The following HPSE2 variants were observed in gnomAD, a reference collection of about 807,000 sequenced individuals.
The protein encoded by HPSE2 is inactive heparanase-2.
In HPSE2, 38 loss-of-function variants were observed where a neutral mutation model predicts 60.5. The observed-to-expected ratio is 0.63, with a 90% CI of 0.48 to 0.82. The LOEUF is 0.82. Ranked by LOEUF, HPSE2 falls within the 40% of genes least tolerant of loss-of-function variation. HPSE2 has a pLI of 0.00. For missense variants in HPSE2, 713 were observed against 740.4 expected (o/e 0.96, Z 0.43); for synonymous variants, 295 against 293.2 (o/e 1.01, Z -0.06).
At chr10:98,698,374 C>T (rs1343585893) in intron 5 of HPSE2, among the ~76,000 whole-genome samples, 2 of 151,122 alleles carry the variant, frequency 1.3e-5, no homozygotes, top group African/African-American at 4.9e-5. Context: ...ACTGAACAAC[C>T]TGCTCCTGAA....
At chr10:99,178,073 G>A (rs1476011680) in intron 2 of HPSE2, among the ~76,000 whole-genome samples, 1 of 151,888 alleles carries the variant, frequency 6.6e-6, no homozygotes, top group Non-Finnish European at 1.5e-5. Context: ...TGAAACCAAT[G>A]AGAACAGACA....
chr10:98,879,328 G>A (rs1952957664), intron 3 of HPSE2, among the ~76,000 whole-genome samples: 1 of 151,994 alleles, frequency 6.6e-6, no homozygotes, highest in South Asian at 2.1e-4. Context: ...ATATCTGCAT[G>A]CTGTAAGAGA....
chr10:98,600,911 G>GTATATATGTGTGTGTGTATATATATATA (rs576143051), intron 9 of HPSE2, among the ~76,000 whole-genome samples: 29 of 73,708 alleles, frequency 3.9e-4, no homozygotes, highest in South Asian at 3.0e-3. Context: ...ATGTGTGTGT[G>GTATATATGTGTGTGTGTATATATATATA]TATATATATA....
At chr10:98,932,592 C>A (rs1461279071) in intron 3 of HPSE2, among the ~76,000 whole-genome samples, 1 of 115,446 alleles carries the variant, frequency 8.7e-6, no homozygotes, top group Non-Finnish European at 1.7e-5. Flanking sequence ...GTAACTCCAT[C>A]TGGAGCTGGG....
intron 3 of HPSE2, among the ~76,000 whole-genome samples, chr10:98,972,322 T>G (rs1000657773): frequency 6.6e-6 from 1 of 152,142 alleles, no homozygotes; most frequent in African/African-American, 2.4e-5. Context: ...GCAAAAATAT[T>G]CTTTCCTTAT....
chr10:98,855,652 C>T (rs1952295888), intron 3 of HPSE2, among the ~76,000 whole-genome samples: 1 of 152,064 alleles, frequency 6.6e-6, no homozygotes, highest in Admixed American at 6.6e-5. Flanking sequence ...CCCAGTCAAC[C>T]AGAATGAAAC....
intron 2 of HPSE2, among the ~76,000 whole-genome samples, chr10:99,228,443 T>C (rs1849542110): frequency 6.6e-6 from 1 of 152,190 alleles, no homozygotes; most frequent in South Asian, 2.1e-4. Context: ...GATGCAGTTA[T>C]GGTCTTAAAA....
intron 3 of HPSE2, among the ~76,000 whole-genome samples, chr10:99,114,633 G>A (rs1844599440): frequency 6.6e-6 from 1 of 152,142 alleles, no homozygotes; most frequent in African/African-American, 2.4e-5. Flanking sequence ...AAAGAAGAAT[G>A]GCTGGGTGCG....
intron 5 of HPSE2, among the ~76,000 whole-genome samples, chr10:98,717,352 C>T (rs1404445223): frequency 6.6e-6 from 1 of 152,042 alleles, no homozygotes; most frequent in African/African-American, 2.4e-5. Flanking sequence ...CTTTTAATTT[C>T]CTTCAAGAAC....
At chr10:99,197,095 TTA>T (rs1388310444) in intron 2 of HPSE2, among the ~76,000 whole-genome samples, 1 of 152,130 alleles carries the variant, frequency 6.6e-6, no homozygotes, top group African/African-American at 2.4e-5. Flanking sequence ...ATAGAAATCA[TTA>T]TGTTAAGTGA....
chr10:98,724,836 C>T (rs1255506218), intron 4 of HPSE2, among the ~76,000 whole-genome samples: 2 of 152,080 alleles, frequency 1.3e-5, no homozygotes, highest in African/African-American at 4.8e-5. Context: ...CATTCTTATA[C>T]ACCAATAACA....
intron 3 of HPSE2, among the ~76,000 whole-genome samples, chr10:98,805,500 G>A (rs1424640171): frequency 1.3e-5 from 2 of 151,662 alleles, no homozygotes; most frequent in South Asian, 4.2e-4. Context: ...GGGTACATAG[G>A]GCATATCTTG....
At chr10:99,205,237 T>G (rs1848706667) in intron 2 of HPSE2, among the ~76,000 whole-genome samples, 1 of 152,142 alleles carries the variant, frequency 6.6e-6, no homozygotes, top group Admixed American at 6.5e-5. Flanking sequence ...CTCCCGAATC[T>G]AAAATAAAAT....
intron 2 of HPSE2, among the ~76,000 whole-genome samples, chr10:99,189,751 T>C (rs1230346594): frequency 2.0e-5 from 3 of 152,360 alleles, no homozygotes; most frequent in Middle Eastern, 3.4e-3. Flanking sequence ...TATAATCTTC[T>C]GAATGGGCTC....
chr10:99,252,493 T>C, the HPSE2 span, among the ~76,000 whole-genome samples: 50 of 152,264 alleles, frequency 3.3e-4, no homozygotes, highest in African/African-American at 1.1e-3. Context: ...ACAAAATCAA[T>C]GTACAAAAAT....
At chr10:98,702,345 C>T (rs1187894375) in intron 5 of HPSE2, among the ~76,000 whole-genome samples, 2 of 152,114 alleles carry the variant, frequency 1.3e-5, no homozygotes, top group African/African-American at 4.8e-5. Flanking sequence ...GACTTAGACT[C>T]CCACATAATA....
intron 5 of HPSE2, among the ~76,000 whole-genome samples, chr10:98,708,047 G>A (rs1948590626): frequency 6.6e-6 from 1 of 152,108 alleles, no homozygotes; most frequent in Non-Finnish European, 1.5e-5. Context: ...GAAGCATTTT[G>A]AAATGTGCTA....
chr10:98,691,365 T>A (rs1311582911), intron 6 of HPSE2, among the ~76,000 whole-genome samples: 1 of 152,178 alleles, frequency 6.6e-6, no homozygotes, highest in Admixed American at 6.5e-5. Flanking sequence ...GGCCAATATT[T>A]TTTAAGTAGT....
intron 11 of HPSE2, among the ~76,000 whole-genome samples, chr10:98,481,974 G>A (rs758094524): frequency 6.6e-6 from 1 of 152,170 alleles, no homozygotes; most frequent in Non-Finnish European, 1.5e-5. Flanking sequence ...TAGAGACTGA[G>A]GGAGGCAGGG....
Sources: allele counts gnomAD v4.1 joint callset (sites outside exome capture counted in the v4.1 genomes callset), GRCh38; gene constraint gnomAD v4.1.1; transcripts MANE v1.5; gene names NCBI Gene and HGNC (gene_info 2026-07-23, HGNC 2026-07-21).